Variants in NEIL3 observed in about 807,000 individuals in gnomAD.
NEIL3 encodes nei like DNA glycosylase 3, also known as endonuclease 8-like 3.
Under a neutral mutation model 57.5 loss-of-function variants are expected in NEIL3, and 48 were observed. That is an observed-to-expected ratio of 0.83 (90% confidence interval 0.66 to 1.06). The LOEUF (loss-of-function observed/expected upper bound fraction) is 1.06, where lower values mean the gene tolerates loss of function less well. NEIL3 is among the 50% of genes least tolerant of loss of function. NEIL3 has a pLI of 0.00. For synonymous variants in NEIL3, 261 were observed against 253.2 expected (o/e 1.03, Z -0.29); for missense variants, 717 against 739.1 (o/e 0.97, Z 0.35).
chr4:177,359,249 G>C (rs926167363), intron 8 of NEIL3, among the ~76,000 whole-genome samples: 2 of 152,212 alleles, frequency 1.3e-5, no homozygotes, highest in East Asian at 1.9e-4. Context: ...GGTGACGATT[G>C]ATTTAGCAAT....
chr4:177,366,429 G>A (rs1289611728), downstream of NEIL3, among the ~76,000 whole-genome samples: 3 of 152,138 alleles, frequency 2.0e-5, no homozygotes, highest in Non-Finnish European at 2.9e-5. Context: ...ATGGAGTCTC[G>A]CTCTTGTCGC....
chr4:177,351,578 T>C, intron 7 of NEIL3, 29 bp downstream of exon 7: 1 of 1,574,132 alleles, frequency 6.4e-7, no homozygotes, highest in Non-Finnish European at 8.7e-7. Context: ...TTTGAGTTTG[T>C]TACATTTCTA....
intron 2 of NEIL3, among the ~76,000 whole-genome samples, chr4:177,331,418 T>A (rs1195497706): frequency 6.6e-6 from 1 of 151,738 alleles, no homozygotes; most frequent in East Asian, 1.9e-4. Flanking sequence ...TTATACTAGA[T>A]CCTTACATAT....
chr4:177,317,787 A>C (rs115614700), intron 1 of NEIL3, among the ~76,000 whole-genome samples: 4,718 of 151,304 alleles, frequency 0.031, 107 homozygotes, highest in Admixed American at 0.071. Context: ...TTTTTAGTAG[A>C]GTTTTCATCA....
At chr4:177,351,587 T>A in intron 7 of NEIL3, 38 bp downstream of exon 7, 2 of 1,502,744 alleles carry the variant, frequency 1.3e-6, no homozygotes, top group Non-Finnish European at 1.8e-6. Context: ...GTTACATTTC[T>A]AAGAGGGTTA....
intron 1 of NEIL3, among the ~76,000 whole-genome samples, chr4:177,322,179 A>G (rs551798936): frequency 6.6e-6 from 1 of 152,316 alleles, no homozygotes; most frequent in South Asian, 2.1e-4. Context: ...TTTCATATGC[A>G]CAGAGCTATA....
At chr4:177,338,671 C>A (rs972244640) in intron 4 of NEIL3, among the ~76,000 whole-genome samples, 1 of 152,138 alleles carries the variant, frequency 6.6e-6, no homozygotes, top group Non-Finnish European at 1.5e-5. Flanking sequence ...TTATGTTAGG[C>A]TGTGTCAGAA....
intron 1 of NEIL3, among the ~76,000 whole-genome samples, chr4:177,320,871 G>C (rs17064622): frequency 6.6e-6 from 1 of 151,880 alleles, no homozygotes; most frequent in Non-Finnish European, 1.5e-5. Context: ...AAAGCCAGTC[G>C]CCTGAACTTC....
At chr4:177,368,639 T>C in the NEIL3 span, among the ~76,000 whole-genome samples, 1 of 152,254 alleles carries the variant, frequency 6.6e-6, no homozygotes, top group Non-Finnish European at 1.5e-5. Context: ...TGTTAAACTT[T>C]GTAGATGGAG....
chr4:177,360,536 T>G lies in NEIL3; in HGVS notation c.1494T>G (p.Arg498=). The change falls in exon 9 of 10, where the codon CGT becomes CGG. Residue 498 remains arginine (R), a synonymous_variant. Transcript: ENST00000264596. ...AAATTAATATGACAGATGGCCCTCGTACCTTAAATCCTGACAGCCCTCGCT... is the reference window on the plus strand; with the variant it reads ...AAATTAATATGACAGATGGCCCTCGGACCTTAAATCCTGACAGCCCTCGCT... ...ELQINMTDGP[R]TLNPDSPRCS... 6.2e-7 allele frequency: 1 copy of G among 1,614,002 alleles called. No homozygotes were observed. Among genetic ancestry groups the G allele is most frequent in the Non-Finnish European group, 8.5e-7 (1 of 1,179,908 alleles).
chr4:177,320,702 C>A (rs1380117712), intron 1 of NEIL3, among the ~76,000 whole-genome samples: 1 of 151,376 alleles, frequency 6.6e-6, no homozygotes, highest in East Asian at 2.0e-4. Flanking sequence ...CTCCTGACCT[C>A]GTGATCCGCC....
At chr4:177,318,694 C>T (rs547830934) in intron 1 of NEIL3, among the ~76,000 whole-genome samples, 8 of 152,264 alleles carry the variant, frequency 5.3e-5, no homozygotes, top group African/African-American at 1.4e-4. Context: ...TATGACTGCT[C>T]CTTTAAAATT....
rs758849155 is a variant in NEIL3 at position 177,360,603 on chromosome 4, A to G, written c.1561A>G (p.Lys521Glu). ...CCTCTGCATTCTCCGAGTTGTGGGG[A>G]AGGATGGGGAAAACAAGGGCAGGCA... is the stretch of plus-strand genomic sequence containing the variant. ...NRLCILRVVGKDGENKGRQFY... is the reference protein window; with the variant it reads ...NRLCILRVVGEDGENKGRQFY... The change falls in exon 9 of 10, where the codon AAG becomes GAG. Residue 521 changes from lysine (K) to glutamate (E), a missense_variant. By Grantham distance (56) the Lys-to-Glu change is moderately conservative. Transcript: ENST00000264596. 3.7e-6 allele frequency: 6 copies of G among 1,613,952 alleles called. No homozygotes were observed. The highest frequency in any genetic ancestry group is 5.1e-6 in the Non-Finnish European group (6 of 1,179,962).
At chr4:177,331,812 C>T (rs938183776) in intron 2 of NEIL3, among the ~76,000 whole-genome samples, 3 of 152,118 alleles carry the variant, frequency 2.0e-5, no homozygotes, top group Non-Finnish European at 4.4e-5. Flanking sequence ...AAGTAGTTGA[C>T]CTTCGTTTGA....
chr4:177,319,751 G>C (rs904151671), intron 1 of NEIL3, among the ~76,000 whole-genome samples: 1 of 152,242 alleles, frequency 6.6e-6, no homozygotes, highest in African/African-American at 2.4e-5. Flanking sequence ...CGAAGAAGCA[G>C]GGAACGCTAC....
rs988750668 is a variant in NEIL3 at position 177,362,215 on chromosome 4, C to T, written c.1636-74C>T. The T allele has an allele frequency of 9.6e-6, 11 of 1,150,132 alleles. No individual in the cohort carries two copies. In the African/African-American group the frequency reaches 1.6e-4, roughly 16 times the overall value. The allele number at this position is 1,150,132 out of a possible 1,614,324, so 71.2% of individuals were successfully genotyped here. On this transcript the variant is annotated intron_variant, in intron 9 of 9. Transcript: ENST00000264596. ...AGTGAAGACTATATGGCACTAATCA[C>T]ATGTGCCTAGGGTTAGCCTGTACAT... is the stretch of plus-strand genomic sequence containing the variant.
chr4:177,367,089 T>A (rs1735702221), downstream of NEIL3, among the ~76,000 whole-genome samples: 1 of 152,242 alleles, frequency 6.6e-6, no homozygotes, highest in South Asian at 2.1e-4. Flanking sequence ...TTGAAGCATT[T>A]TTGTGACATC....
chr4:177,327,002 G>A (rs1339734283), intron 2 of NEIL3, among the ~76,000 whole-genome samples: 1 of 152,086 alleles, frequency 6.6e-6, no homozygotes, highest in African/African-American at 2.4e-5. Context: ...TGTGTCAAGG[G>A]AAAGAGGCGA....
At chr4:177,331,236 T>A (rs1734879580) in intron 2 of NEIL3, among the ~76,000 whole-genome samples, 1 of 152,132 alleles carries the variant, frequency 6.6e-6, no homozygotes, top group South Asian at 2.1e-4. Flanking sequence ...ATCTTTTTCA[T>A]CCTTTTTTCT....
Sources: gnomAD v4.1 joint callset for allele counts (sites outside exome capture counted in the v4.1 genomes callset) on GRCh38, gnomAD v4.1.1 for gene constraint, MANE v1.5 for transcripts, NCBI Gene and HGNC (gene_info 2026-07-23, HGNC 2026-07-21) for gene names.